TNS1: variants seen among roughly 807,000 people sequenced by gnomAD.
TNS1 encodes the protein tensin-1.
In TNS1, 62 loss-of-function variants were observed where a neutral mutation model predicts 168.6. The observed-to-expected ratio is 0.37, with a 90% CI of 0.30 to 0.45. The LOEUF (loss-of-function observed/expected upper bound fraction) is 0.45. TNS1 is among the 20% of genes least tolerant of loss of function. The pLI is 1.00. For missense variants in TNS1, 2,240 were observed against 2,339.4 expected, an observed-to-expected ratio of 0.96 and a Z score of 0.88; for synonymous variants, 934 against 933.2, an observed-to-expected ratio of 1.00 and a Z score of -0.02.
intron 19 of TNS1, among the ~76,000 whole-genome samples, chr2:217,843,358 C>T (rs535809673): frequency 6.6e-6 from 1 of 152,014 alleles, no homozygotes; most frequent in Admixed American, 6.6e-5. Context: ...ATCCTTCCTC[C>T]CCCCATGTCC....
chr2:217,998,295 C>T (rs1433863846), intron 1 of TNS1, among the ~76,000 whole-genome samples: 2 of 151,174 alleles, frequency 1.3e-5, no homozygotes, highest in African/African-American at 2.4e-5. Flanking sequence ...TCTCTCTCTC[C>T]TCCTTCCTAA....
At chr2:218,010,661 C>G (rs1958698132), upstream of TNS1, among the ~76,000 whole-genome samples, 1 of 146,140 alleles carries the variant, frequency 6.8e-6, no homozygotes, top group Admixed American at 7.1e-5. Flanking sequence ...CGTCCACCTG[C>G]GAGGAAGGAG....
intron 18 of TNS1, among the ~76,000 whole-genome samples, chr2:217,861,657 A>T (rs915543392): frequency 2.8e-4 from 43 of 152,348 alleles, no homozygotes; most frequent in African/African-American, 9.6e-4. Context: ...CCCTGAGCCA[A>T]TTACTTGGCT....
At chr2:217,872,950 G>A (rs79134144) in intron 18 of TNS1, among the ~76,000 whole-genome samples, 1 of 152,168 alleles carries the variant, frequency 6.6e-6, no homozygotes, top group Non-Finnish European at 1.5e-5. Context: ...ACCACATATT[G>A]TATCACTCCA....
intron 1 of TNS1, among the ~76,000 whole-genome samples, chr2:218,016,588 C>A (rs572392225): frequency 3.9e-5 from 6 of 152,294 alleles, no homozygotes; most frequent in African/African-American, 9.6e-5. Context: ...GGCCCTCAGT[C>A]CATGCCCTGC....
chr2:217,858,797 C>T (rs1948484689), intron 18 of TNS1, among the ~76,000 whole-genome samples: 1 of 152,048 alleles, frequency 6.6e-6, no homozygotes, highest in Non-Finnish European at 1.5e-5. Context: ...TGGGATAAAA[C>T]TGTCTGTAAT....
intron 6 of TNS1, chr2:217,900,731 A>G: frequency 1.7e-6 from 1 of 577,384 alleles, no homozygotes; most frequent in Admixed American, 3.4e-5. Context: ...CAAGCCCCAG[A>G]GGGACAAAAG....
chr2:217,814,928 C>G lies in TNS1; in HGVS notation c.4713G>C (p.Glu1571Asp), dbSNP rs1380979229. The G allele has an allele frequency of 1.9e-6, 3 of 1,613,276 alleles. No homozygotes were observed. The highest frequency in any genetic ancestry group is 3.3e-5 in the Admixed American group (2 of 59,942). The part of the protein sequence containing the change: ...QDTSKYWYKP[E>D]ISREQAIALL... ...AGCACTCACCCTGCTCCCTGGAGAT[C>G]TCAGGCTTGTACCAATACTTAGAAG... Residue 1571 changes from glutamate to aspartate, a missense_variant, in exon 25 of 33, where the codon GAG becomes GAC. This residue lies in a region of TNS1 where 2,131 missense variants were observed against 2,171.2 expected (regional missense o/e 0.98). Transcript: ENST00000682258.
At chr2:217,903,390 T>G (rs1953252108) in intron 6 of TNS1, among the ~76,000 whole-genome samples, 3 of 152,184 alleles carry the variant, frequency 2.0e-5, no homozygotes. Context: ...GTGGAGCCCC[T>G]AGGGAAAACG....
intron 2 of TNS1, among the ~76,000 whole-genome samples, chr2:217,983,159 C>T (rs1392839810): frequency 2.0e-5 from 3 of 152,092 alleles, no homozygotes; most frequent in African/African-American, 7.2e-5. Context: ...ATGCTCACTC[C>T]ATAGGTACCA....
intron 1 of TNS1, among the ~76,000 whole-genome samples, chr2:217,994,923 G>A (rs1958441215): frequency 6.6e-6 from 1 of 152,232 alleles, no homozygotes; most frequent in Non-Finnish European, 1.5e-5. Context: ...TCTAGGCTAT[G>A]TGGCATTGAA....
rs975644442 is a variant in TNS1 at position 217,801,922 on chromosome 2, C to T, written c.*2537G>A. 1 of 151,924 alleles carries T rather than the reference C, an allele frequency of 6.6e-6. No homozygotes were observed. The highest frequency in any genetic ancestry group is 1.5e-5 in the Non-Finnish European group (1 of 67,986). 9.4% of individuals were successfully genotyped at this position (151,924 alleles called of 1,614,324 possible). ...CCCGCAGGGGCACACATGGCTCAGG[C>T]TGGAGTGGAGGGGCTGGCCATGCAT... is the stretch of plus-strand genomic sequence containing the variant. On this transcript the variant is annotated 3_prime_UTR_variant, in exon 33 of 33. Coordinates refer to ENST00000682258, the MANE Select transcript of TNS1 (RefSeq NM_001387777.1).
In TNS1 at chr2:217,883,041, C is replaced by T. The variant is rs918984957; in HGVS notation, c.1247-630G>A. Among the ~76,000 whole-genome samples, 5 of 152,154 alleles carry T rather than the reference C, an allele frequency of 3.3e-5. No homozygotes were observed. In the East Asian group the frequency reaches 9.6e-4, roughly 29 times the overall value. On this transcript the variant is annotated intron_variant, in intron 16 of 32. Transcript: ENST00000682258. ...AAACTCCTGGGCTCAAGCAATCCAC[C>T]GGCCTCAGCATCCCAAAGTGCTGGG...
At chr2:218,003,089 T>C, upstream of TNS1, 3 of 339,100 alleles carry the variant, frequency 8.8e-6, no homozygotes, top group Non-Finnish European at 1.1e-5. Context: ...CTCTCCTCCC[T>C]CCTCCCAGGC....
Position 217,803,732 on chromosome 2 carries a change from T to C in TNS1, c.*727A>G, listed in dbSNP as rs563058384. The C allele has an allele frequency of 3.3e-4, 51 of 152,748 alleles. No homozygotes were observed. The highest frequency in any genetic ancestry group is 5.6e-4 in the Non-Finnish European group (38 of 68,128). 9.5% of individuals were successfully genotyped at this position (152,748 alleles called of 1,614,324 possible). ...ATAGCTTGGTTGTTTGTCCCTCCCCTGCTGCACTGCCACCACCAACCCTAA... is the reference window on the plus strand; with the variant it reads ...ATAGCTTGGTTGTTTGTCCCTCCCCCGCTGCACTGCCACCACCAACCCTAA... On this transcript the variant is annotated 3_prime_UTR_variant, in exon 33 of 33. Coordinates refer to ENST00000682258, the MANE Select transcript of TNS1 (RefSeq NM_001387777.1).
At chr2:217,833,073 T>C (rs989346353) in intron 21 of TNS1, among the ~76,000 whole-genome samples, 1 of 152,222 alleles carries the variant, frequency 6.6e-6, no homozygotes, top group Non-Finnish European at 1.5e-5. Flanking sequence ...GGCGGTTGAA[T>C]GAAATTAATT....
chr2:218,005,215 G>A (rs1283886661), upstream of TNS1, among the ~76,000 whole-genome samples: 1 of 152,260 alleles, frequency 6.6e-6, no homozygotes, highest in Non-Finnish European at 1.5e-5. Context: ...TTTCTCTGGA[G>A]TTCTGAGAAG....
chr2:217,918,453 C>A (rs1955351987), intron 4 of TNS1, among the ~76,000 whole-genome samples: 1 of 152,188 alleles, frequency 6.6e-6, no homozygotes, highest in Non-Finnish European at 1.5e-5. Context: ...AGGGCAGAGC[C>A]CCCTGCACAG....
At chr2:217,852,505 A>G (rs1442677569) in intron 18 of TNS1, among the ~76,000 whole-genome samples, 6 of 152,214 alleles carry the variant, frequency 3.9e-5, no homozygotes, top group African/African-American at 1.4e-4. Flanking sequence ...CCACTTAGAC[A>G]TGTTCCACAG....
Sources: gnomAD v4.1 joint callset for allele counts (sites outside exome capture counted in the v4.1 genomes callset) on GRCh38, gnomAD v4.1.1 for gene constraint, gnomAD v4.1.1 regional missense constraint, MANE v1.5 for transcripts, NCBI Gene and HGNC (gene_info 2026-07-23, HGNC 2026-07-21) for gene names.